FAM13C: variants seen among roughly 807,000 people sequenced by gnomAD.
The protein encoded by FAM13C is protein FAM13C.
In FAM13C, 37 loss-of-function variants were observed where a neutral mutation model predicts 73.2. The ratio of observed to expected loss-of-function variants is 0.51; its 90% confidence interval spans 0.39 to 0.67. FAM13C has a LOEUF of 0.67. Among genes scored for constraint, FAM13C ranks in the 30% least tolerant of loss-of-function variants. The probability of loss-of-function intolerance (pLI) is 0.00; values close to 1 mark genes in which losing one functional copy is unlikely to be tolerated. For missense variants in FAM13C, 589 were observed against 715.6 expected, an observed-to-expected ratio of 0.82 and a Z score of 2.02; for synonymous variants, 246 against 260.9, an observed-to-expected ratio of 0.94 and a Z score of 0.55.
At chr10:59,300,508 T>C (rs1331363954) in intron 5 of FAM13C, among the ~76,000 whole-genome samples, 1 of 152,200 alleles carries the variant, frequency 6.6e-6, no homozygotes, top group African/African-American at 2.4e-5. Flanking sequence ...CAAAAAGTTC[T>C]ACCTTACATG....
chr10:59,297,662 G>A (rs572775607), intron 5 of FAM13C, among the ~76,000 whole-genome samples: 4 of 152,252 alleles, frequency 2.6e-5, no homozygotes, highest in Admixed American at 1.3e-4. Flanking sequence ...ACTTCACTAT[G>A]GCTGGCTGCC....
intron 10 of FAM13C, 131 bp from the exon 11 acceptor site, chr10:59,254,574 G>C: frequency 2.7e-6 from 1 of 370,376 alleles, no homozygotes; most frequent in Non-Finnish European, 4.7e-6. Flanking sequence ...GAAAAGGAAA[G>C]TCATTTATTT....
At chr10:59,255,010 G>C (rs72808519) in intron 10 of FAM13C, among the ~76,000 whole-genome samples, 2,185 of 152,198 alleles carry the variant, frequency 0.014, 28 homozygotes, top group Non-Finnish European at 0.023. Flanking sequence ...AAATGCGTAA[G>C]TGTTAAGGAA....
chr10:59,352,664 ACCTTC>A (rs749622335), intron 2 of FAM13C, among the ~76,000 whole-genome samples, 190 bp from the exon 3 acceptor site: 2 of 152,108 alleles, frequency 1.3e-5, no homozygotes, highest in Non-Finnish European at 2.9e-5. Flanking sequence ...ATATCACTTC[ACCTTC>A]CCTTCTGATC....
At chr10:59,300,042 T>C (rs1847394321) in intron 5 of FAM13C, among the ~76,000 whole-genome samples, 1 of 152,082 alleles carries the variant, frequency 6.6e-6, no homozygotes, top group African/African-American at 2.4e-5. Flanking sequence ...AAGAAGTTAG[T>C]GAGCTCTTCG....
At chr10:59,316,775 G>T (rs530038072) in intron 4 of FAM13C, among the ~76,000 whole-genome samples, 3 of 152,282 alleles carry the variant, frequency 2.0e-5, no homozygotes, top group African/African-American at 7.2e-5. Flanking sequence ...GTTGTTAACT[G>T]AAATGTTATT....
chr10:59,338,091 C>G (rs528114161), intron 3 of FAM13C, among the ~76,000 whole-genome samples: 1 of 152,128 alleles, frequency 6.6e-6, no homozygotes, highest in Non-Finnish European at 1.5e-5. Context: ...CTATGTATTA[C>G]AGTAGATATT....
intron 8 of FAM13C, among the ~76,000 whole-genome samples, chr10:59,268,219 A>C (rs1435039435): frequency 1.4e-5 from 2 of 141,464 alleles, no homozygotes; most frequent in Admixed American, 1.3e-4. Context: ...AAAAAAAGAA[A>C]AAAGAAAAAG....
intron 6 of FAM13C, among the ~76,000 whole-genome samples, chr10:59,272,954 TAAC>T (rs909901786): frequency 3.7e-4 from 56 of 152,224 alleles, no homozygotes; most frequent in African/African-American, 7.7e-4. Flanking sequence ...AGTAAGAGAT[TAAC>T]AACAACAACT....
chr10:59,283,819 G>A (rs1845223828), intron 5 of FAM13C: 1 of 475,738 alleles, frequency 2.1e-6, no homozygotes, highest in East Asian at 3.2e-5. Context: ...CCGGGTGCTT[G>A]AGGCTTTACG....
intron 3 of FAM13C, among the ~76,000 whole-genome samples, chr10:59,343,462 G>A (rs1853782562): frequency 6.6e-6 from 1 of 152,174 alleles, no homozygotes; most frequent in Non-Finnish European, 1.5e-5. Context: ...TTTGAGTAGA[G>A]GATGTGGAAG....
At chr10:59,284,031 A>ATGTGTG (rs6143934) in intron 5 of FAM13C, among the ~76,000 whole-genome samples, 14,315 of 149,004 alleles carry the variant, frequency 0.096, 794 homozygotes, top group South Asian at 0.2. Context: ...ATGCTGGGGT[A>ATGTGTG]TGTGTGTGTG....
intron 1 of FAM13C, among the ~76,000 whole-genome samples, chr10:59,358,326 C>T (rs1227808744): frequency 2.0e-5 from 3 of 152,212 alleles, no homozygotes; most frequent in African/African-American, 2.4e-5. Context: ...TGTAGTGAGC[C>T]GGGATCACAC....
intron 3 of FAM13C, among the ~76,000 whole-genome samples, chr10:59,347,288 C>T (rs891597443): frequency 1.1e-4 from 17 of 152,100 alleles, no homozygotes; most frequent in African/African-American, 3.6e-4. Flanking sequence ...CTTTCATTCA[C>T]GAATACACAC....
At chr10:59,306,994 G>A (rs1848332007) in intron 4 of FAM13C, among the ~76,000 whole-genome samples, 1 of 152,162 alleles carries the variant, frequency 6.6e-6, no homozygotes, top group Non-Finnish European at 1.5e-5. Context: ...AAAGTATGGA[G>A]TGAAAGAGAT....
At chr10:59,286,615 A>G in intron 5 of FAM13C, among the ~76,000 whole-genome samples, 1 of 149,464 alleles carries the variant, frequency 6.7e-6, no homozygotes, top group Non-Finnish European at 1.5e-5. Context: ...AGGAGATGGG[A>G]GCTATTGTTT....
At chr10:59,316,175 T>C (rs1849507126) in intron 4 of FAM13C, among the ~76,000 whole-genome samples, 1 of 152,124 alleles carries the variant, frequency 6.6e-6, no homozygotes, top group African/African-American at 2.4e-5. Context: ...CCTCAAGTGA[T>C]CTGCCCGCCT....
At chr10:59,348,832 C>T (rs535884595) in intron 3 of FAM13C, among the ~76,000 whole-genome samples, 1 of 152,256 alleles carries the variant, frequency 6.6e-6, no homozygotes, top group East Asian at 1.9e-4. Flanking sequence ...GATGGGGCTT[C>T]ACTATGTTGG....
intron 5 of FAM13C, among the ~76,000 whole-genome samples, chr10:59,293,766 G>A (rs559101258): frequency 1.3e-4 from 20 of 152,224 alleles, no homozygotes; most frequent in African/African-American, 4.3e-4. Context: ...GGGAAGTGAG[G>A]ACAGCAAAGT....
Sources: gnomAD v4.1 joint callset for allele counts (sites outside exome capture counted in the v4.1 genomes callset) on GRCh38, gnomAD v4.1.1 for gene constraint, MANE v1.5 for transcripts, NCBI Gene and HGNC (gene_info 2026-07-23, HGNC 2026-07-21) for gene names.